ATP2C2: variants seen among roughly 807,000 people sequenced by gnomAD.
ATP2C2 encodes the protein calcium-transporting ATPase type 2C member 2.
In ATP2C2, 171 loss-of-function variants were observed where a neutral mutation model predicts 110.8. The observed-to-expected ratio is 1.54, with a 90% CI of 1.36 to 1.75. ATP2C2 has a LOEUF of 1.75. Ranked by LOEUF, ATP2C2 falls within the 40% of genes most tolerant of loss-of-function variation. The pLI is 0.00. For synonymous variants in ATP2C2, 804 were observed against 508.4 expected (o/e 1.58, Z -7.82); for missense variants, 1,963 against 1,235.0 (o/e 1.59, Z -8.84).
chr16:84,382,113 C>A (rs1224346949), intron 1 of ATP2C2, among the ~76,000 whole-genome samples: 1 of 152,164 alleles, frequency 6.6e-6, no homozygotes, highest in Non-Finnish European at 1.5e-5. Flanking sequence ...TTAGTTATTT[C>A]TCCTAATGCT....
intron 1 of ATP2C2, among the ~76,000 whole-genome samples, chr16:84,389,949 C>T (rs1741911920): frequency 6.6e-6 from 1 of 152,102 alleles, no homozygotes. Context: ...TTTCGAACTC[C>T]TGACCTCTAA....
chr16:84,444,922 CG>C (rs2150573454), intron 15 of ATP2C2, among the ~76,000 whole-genome samples: 1 of 152,282 alleles, frequency 6.6e-6, no homozygotes, highest in South Asian at 2.1e-4. Context: ...CAGTGGTTCC[CG>C]GGCTTTTCTT....
At chr16:84,382,782 G>C (rs1046366917) in intron 1 of ATP2C2, among the ~76,000 whole-genome samples, 10 of 151,986 alleles carry the variant, frequency 6.6e-5, no homozygotes, top group Admixed American at 5.9e-4. Context: ...TGTAATCCCA[G>C]CTACTTGGGA....
At chr16:84,430,017 G>A (rs1012119174) in intron 11 of ATP2C2, among the ~76,000 whole-genome samples, 10 of 151,974 alleles carry the variant, frequency 6.6e-5, no homozygotes, top group East Asian at 1.9e-4. Flanking sequence ...CTGTCTCTGC[G>A]TCTCTTCTCT....
chr16:84,404,929 G>T, intron 2 of ATP2C2, 199 bp from the exon 3 acceptor site: 4 of 658,418 alleles, frequency 6.1e-6, no homozygotes, highest in African/African-American at 3.6e-5. Flanking sequence ...TAATTATAAT[G>T]GTCACTGGCT....
intron 1 of ATP2C2, among the ~76,000 whole-genome samples, chr16:84,385,315 A>C (rs1904304421): frequency 6.6e-6 from 1 of 152,196 alleles, no homozygotes; most frequent in African/African-American, 2.4e-5. Flanking sequence ...TCGCGAGGAC[A>C]GTACTAAGGG....
At position 84,440,983 on chromosome 16, in the gene ATP2C2, G is replaced by A. The variant is rs372254703; in HGVS notation, c.1311+25G>A. The A allele has an allele frequency of 3.8e-6, 6 of 1,561,774 alleles. No individual in the cohort carries two copies. In the African/African-American group the frequency reaches 5.4e-5, roughly 14 times the overall value. ...GGTAGGTGTCAAAAGCGCCATGAGGGAAATAGGCATTTACATTGAGGCTTC... is the reference window on the plus strand; with the variant it reads ...GGTAGGTGTCAAAAGCGCCATGAGGAAAATAGGCATTTACATTGAGGCTTC... On this transcript the variant is annotated intron_variant, in intron 14 of 26. Coordinates refer to ENST00000262429, the MANE Select transcript of ATP2C2 (RefSeq NM_014861.4).
Position 84,459,333 on chromosome 16 carries a change from C to A in ATP2C2, c.2280C>A (p.Asn760Lys), listed in dbSNP as rs373071039. The A allele has an allele frequency of 5.6e-6, 9 of 1,614,104 alleles. No individual in the cohort carries two copies. Among genetic ancestry groups the A allele is most frequent in the African/African-American group, 2.7e-5 (2 of 74,936 alleles). ...TGTTCAACCTGCCCAGCCCCCTCAA[C>A]GCCATGCAGATCCTATGGATCAACA... ...STVFNLPSPL[N>K]AMQILWINII... Residue 760 changes from asparagine (N) to lysine (K), a missense_variant, in exon 23 of 27, where the codon AAC becomes AAA. Coordinates refer to ENST00000262429, the MANE Select transcript of ATP2C2 (RefSeq NM_014861.4).
intron 1 of ATP2C2, among the ~76,000 whole-genome samples, chr16:84,380,538 T>C (rs1019777259): frequency 7.2e-5 from 11 of 152,234 alleles, no homozygotes; most frequent in African/African-American, 2.4e-4. Flanking sequence ...TGTTTGTTTC[T>C]GATCAGTTTG....
intron 1 of ATP2C2, among the ~76,000 whole-genome samples, chr16:84,374,752 G>C (rs527596202): frequency 8.5e-5 from 13 of 152,260 alleles, no homozygotes; most frequent in African/African-American, 2.6e-4. Flanking sequence ...AGGCCATCTG[G>C]ATGAGAACAC....
At chr16:84,461,159 ATTGT>A (rs1223897783) in intron 24 of ATP2C2, 15 of 273,604 alleles carry the variant, frequency 5.5e-5, no homozygotes, top group Non-Finnish European at 8.9e-5. Flanking sequence ...TCTAGAGGTG[ATTGT>A]TTGCTTTGGA....
At chr16:84,379,107 C>T (rs547530960) in intron 1 of ATP2C2, among the ~76,000 whole-genome samples, 2 of 151,846 alleles carry the variant, frequency 1.3e-5, no homozygotes, top group Non-Finnish European at 2.9e-5. Flanking sequence ...CCATTTCACT[C>T]TCTTCCCCTC....
intron 20 of ATP2C2, among the ~76,000 whole-genome samples, chr16:84,453,738 A>G (rs1910535448): frequency 6.6e-6 from 1 of 152,220 alleles, no homozygotes; most frequent in South Asian, 2.1e-4. Context: ...AATTTTAAAG[A>G]AGATGGGAGA....
At chr16:84,410,918 C>T in intron 6 of ATP2C2, 153 bp downstream of exon 6, 1 of 719,202 alleles carries the variant, frequency 1.4e-6, no homozygotes, top group South Asian at 1.7e-5. Flanking sequence ...CTCCGCCTGC[C>T]AATAGGTCGC....
At chr16:84,455,593 C>T (rs1910720179) in intron 21 of ATP2C2, among the ~76,000 whole-genome samples, 2 of 151,970 alleles carry the variant, frequency 1.3e-5, no homozygotes, top group Middle Eastern at 3.4e-3. Flanking sequence ...CTGAGACTCT[C>T]CTCATAAGCT....
intron 23 of ATP2C2, 37 bp from the exon 24 acceptor site, chr16:84,460,617 G>A (rs1366953128): frequency 1.2e-6 from 2 of 1,613,990 alleles, no homozygotes; most frequent in Non-Finnish European, 1.7e-6. Flanking sequence ...TTTCATTCCT[G>A]GTTCATTTCA....
At chr16:84,453,864 G>A (rs1024635452) in intron 20 of ATP2C2, among the ~76,000 whole-genome samples, 2 of 151,980 alleles carry the variant, frequency 1.3e-5, no homozygotes, top group Admixed American at 1.3e-4. Flanking sequence ...TTGTAGGTAC[G>A]GAGTCTTGCT....
chr16:84,411,743 A>C (rs1363367099), intron 6 of ATP2C2, among the ~76,000 whole-genome samples: 1 of 152,152 alleles, frequency 6.6e-6, no homozygotes, highest in Non-Finnish European at 1.5e-5. Flanking sequence ...TGCCCGGCCG[A>C]CAAACTAAAT....
chr16:84,397,665 A>AAAAAAAAAAAAAAAAAAAAC (rs1905076757), intron 1 of ATP2C2, among the ~76,000 whole-genome samples: 1 of 147,204 alleles, frequency 6.8e-6, no homozygotes, highest in Non-Finnish European at 1.5e-5. Context: ...CAAAAAAAAA[A>AAAAAAAAAAAAAAAAAAAAC]AAAAAAAACT....
Sources: gnomAD v4.1 joint callset for allele counts (sites outside exome capture counted in the v4.1 genomes callset) on GRCh38, gnomAD v4.1.1 for gene constraint, MANE v1.5 for transcripts, NCBI Gene and HGNC (gene_info 2026-07-23, HGNC 2026-07-21) for gene names.